Variants in JMY observed in about 807,000 individuals in gnomAD.
JMY encodes the protein junction-mediating and -regulatory protein.
A neutral mutation model predicts 103.3 loss-of-function variants in JMY; 46 were observed. That is an observed-to-expected ratio of 0.45 (90% CI 0.35 to 0.57). The LOEUF (loss-of-function observed/expected upper bound fraction) is 0.57. Among genes scored for constraint, JMY ranks in the 20% least tolerant of loss-of-function variants. The probability of loss-of-function intolerance (pLI) is 0.00; values close to 1 mark genes in which losing one functional copy is unlikely to be tolerated. For synonymous variants in JMY, 526 were observed against 489.3 expected (o/e 1.07, Z -0.99); for missense variants, 1,238 against 1,255.2 (o/e 0.99, Z 0.21).
intron 6 of JMY, among the ~76,000 whole-genome samples, chr5:79,304,726 T>C (rs1746829868): frequency 6.6e-6 from 1 of 152,194 alleles, no homozygotes. Flanking sequence ...TGGGATATGG[T>C]TTCAGATCTT....
intron 1 of JMY, among the ~76,000 whole-genome samples, chr5:79,249,316 C>T (rs1161838715): frequency 6.6e-6 from 1 of 152,200 alleles, no homozygotes; most frequent in Non-Finnish European, 1.5e-5. Context: ...GCCACCGTGC[C>T]TGCCCTTGTG....
In JMY at chr5:79,236,823, C is replaced by T. The variant is rs1744518708; in HGVS notation, c.173C>T (p.Ser58Phe). Residue 58 changes from serine (S) to phenylalanine (F), a missense_variant, in exon 1 of 11, where the codon TCC (serine) becomes TTC (phenylalanine). Physicochemically the swap from Ser to Phe is radical, Grantham distance 155. Transcript: ENST00000396137. The part of the protein sequence containing the change: ...NRTAQRQRSG[S>F]REQAGARGGA... ...ACGGCCCAGAGGCAGAGGAGCGGCTCCCGGGAGCAAGCGGGGGCGCGAGGG... is the reference window on the plus strand; with the variant it reads ...ACGGCCCAGAGGCAGAGGAGCGGCTTCCGGGAGCAAGCGGGGGCGCGAGGG... 1.4e-6 allele frequency: 2 copies of T among 1,469,768 alleles called. No individual in the cohort carries two copies. Among genetic ancestry groups the T allele is most frequent in the Admixed American group, 4.8e-5 (2 of 42,056 alleles). The allele number at this position is 1,469,768 out of a possible 1,614,324, so 91.0% of individuals were successfully genotyped here.
At position 79,312,465 on chromosome 5, in the gene JMY, G is replaced by A. The variant is rs925699527; in HGVS notation, c.2031G>A (p.Gln677=). 6.3e-7 allele frequency: 1 copy of A among 1,579,898 alleles called. No individual in the cohort carries two copies. The highest frequency in any genetic ancestry group is 8.6e-7 in the Non-Finnish European group (1 of 1,166,136). Reference sequence around the variant, plus strand: ...GTGCCTGGGTTAGCCAAGAGAGACAGAGAACACTGGATAGACTTCGAACAT... The same window carrying A: ...GTGCCTGGGTTAGCCAAGAGAGACAAAGAACACTGGATAGACTTCGAACAT... ...RKSAWVSQER[Q]RTLDRLRTFK... Residue 677 remains glutamine, a synonymous_variant, in exon 8 of 11, where the codon CAG becomes CAA. Transcript: ENST00000396137.
chr5:79,261,797 G>A (rs2086045716), intron 1 of JMY, among the ~76,000 whole-genome samples: 3 of 152,028 alleles, frequency 2.0e-5, no homozygotes, highest in Admixed American at 2.0e-4. Flanking sequence ...GCTAATTTTT[G>A]TATTTTTAGT....
Position 79,325,404 on chromosome 5 carries a change from CATT to C in JMY, c.*3803_*3805del, listed in dbSNP as rs1747603271. ...AGACATTTCAAAACCATTGCAGACACATTGTTAAAATGCAGCCATTTGATAATG... is the reference window on the plus strand; with the variant it reads ...AGACATTTCAAAACCATTGCAGACACGTTAAAATGCAGCCATTTGATAATG... On this transcript the variant is annotated 3_prime_UTR_variant, in exon 11 of 11. Transcript: ENST00000396137. 1 of 152,134 alleles carries C rather than the reference CATT, an allele frequency of 6.6e-6. No individual in the cohort carries two copies. The highest frequency in any genetic ancestry group is 6.5e-5 in the Admixed American group (1 of 15,274). 9.4% of individuals were successfully genotyped at this position (152,134 alleles called of 1,614,324 possible).
In JMY at chr5:79,319,475, T is replaced by C. The variant is rs572677159; in HGVS notation, c.*4-2131T>C. Among the ~76,000 whole-genome samples the C allele has an allele frequency of 2.6e-5, 4 of 152,352 alleles. No homozygotes were observed. The South Asian group carries it at 8.3e-4, about 32-fold the overall frequency. On this transcript the variant is annotated intron_variant, in intron 10 of 10. Transcript: ENST00000396137. Reference sequence around the variant, plus strand: ...GCTGTGTATCACTACTTTGTGATCATGGAGACTAAAAGGCTGTGAACTTTT... The same window carrying C: ...GCTGTGTATCACTACTTTGTGATCACGGAGACTAAAAGGCTGTGAACTTTT...
chr5:79,281,851 C>T (rs1160829459), intron 2 of JMY, among the ~76,000 whole-genome samples: 1 of 152,132 alleles, frequency 6.6e-6, no homozygotes, highest in Non-Finnish European at 1.5e-5. Flanking sequence ...AAATTGCTTA[C>T]AGGAAATATG....
At chr5:79,307,795 G>C (rs531277995) in intron 7 of JMY, among the ~76,000 whole-genome samples, 24 of 152,250 alleles carry the variant, frequency 1.6e-4, no homozygotes, top group African/African-American at 5.1e-4. Context: ...CTGGAGTGCA[G>C]TGGCGCGATC....
intron 2 of JMY, among the ~76,000 whole-genome samples, chr5:79,289,907 T>C (rs1746373750): frequency 6.6e-6 from 1 of 151,576 alleles, no homozygotes; most frequent in South Asian, 2.1e-4. Flanking sequence ...ACGTATGGAG[T>C]GAGAGGGGGA....
At chr5:79,238,948 C>A (rs1232270180) in intron 1 of JMY, among the ~76,000 whole-genome samples, 1 of 152,170 alleles carries the variant, frequency 6.6e-6, no homozygotes, top group East Asian at 1.9e-4. Context: ...CAGGCGTGAG[C>A]CACTGTGCCC....
chr5:79,275,439 G>A (rs1745911384), intron 1 of JMY, among the ~76,000 whole-genome samples: 1 of 152,174 alleles, frequency 6.6e-6, no homozygotes, highest in African/African-American at 2.4e-5. Context: ...GGGATTACAG[G>A]CGTGAGCCAC....
intron 2 of JMY, among the ~76,000 whole-genome samples, chr5:79,278,421 G>A (rs1043574634): frequency 1.3e-5 from 2 of 151,554 alleles, no homozygotes; most frequent in Non-Finnish European, 2.9e-5. Flanking sequence ...CCTCTTTAAT[G>A]TTTTGGAGAC....
chr5:79,284,731 T>TTG, intron 2 of JMY: 1 of 1,591,064 alleles, frequency 6.3e-7, no homozygotes, highest in Admixed American at 1.7e-5. Flanking sequence ...CACACGACCC[T>TTG]TGAGACCATC....
chr5:79,297,345 G>T (rs543814252), intron 4 of JMY, among the ~76,000 whole-genome samples: 35 of 152,090 alleles, frequency 2.3e-4, no homozygotes, highest in Non-Finnish European at 5.0e-4. Context: ...ATATAAAAAA[G>T]ACACCCCATT....
rs142042932 is a variant in JMY, at chr5:79,286,460, G to A, written c.1207-3661G>A. Reference sequence around the variant, plus strand: ...GTTCAAGACCAGCCTGGCCAACGTCGTGAAACCCCATCTCTACTAAAAATA... The same window carrying A: ...GTTCAAGACCAGCCTGGCCAACGTCATGAAACCCCATCTCTACTAAAAATA... On this transcript the variant is annotated intron_variant, in intron 2 of 10. Coordinates refer to ENST00000396137, the MANE Select transcript of JMY (RefSeq NM_152405.5). 3.2e-3 allele frequency among the ~76,000 whole-genome samples: 482 copies of A among 152,134 alleles called. 2 individuals are homozygous for A. The highest frequency in any genetic ancestry group is 0.011 in the African/African-American group (452 of 41,486).
At chr5:79,294,278 C>T (rs1362632342) in intron 4 of JMY, among the ~76,000 whole-genome samples, 3 of 152,038 alleles carry the variant, frequency 2.0e-5, no homozygotes, top group Admixed American at 6.5e-5. Flanking sequence ...GTGGCGTGCT[C>T]CTGTAGTCCC....
intron 4 of JMY, among the ~76,000 whole-genome samples, chr5:79,295,622 C>G (rs1366511105): frequency 6.6e-6 from 1 of 152,098 alleles, no homozygotes. Flanking sequence ...TTGCCTCAAC[C>G]AACATTTCAG....
chr5:79,258,542 G>A (rs1745325952), intron 1 of JMY, among the ~76,000 whole-genome samples: 2 of 152,116 alleles, frequency 1.3e-5, no homozygotes, highest in Admixed American at 1.3e-4. Flanking sequence ...CAGTCATGGA[G>A]CGGTGAGGGG....
intron 1 of JMY, among the ~76,000 whole-genome samples, chr5:79,265,940 A>G (rs539551809): frequency 3.3e-3 from 501 of 151,532 alleles, no homozygotes; most frequent in Non-Finnish European, 5.7e-3. Flanking sequence ...GCGCCACCAC[A>G]CTCGGCTAGT....
Sources: allele counts gnomAD v4.1 joint callset (sites outside exome capture counted in the v4.1 genomes callset), GRCh38; gene constraint gnomAD v4.1.1; transcripts MANE v1.5; gene names NCBI Gene and HGNC (gene_info 2026-07-23, HGNC 2026-07-21).